Variants in TXLNB observed in about 807,000 individuals in gnomAD.
TXLNB encodes the protein beta-taxilin.
TXLNB carries 37 observed loss-of-function variants against 57.4 expected under a neutral mutation model. That is an observed-to-expected ratio of 0.64 (90% CI 0.50 to 0.85). TXLNB has a LOEUF of 0.85. TXLNB is among the 40% of genes least tolerant of loss of function. TXLNB has a pLI of 0.00. For synonymous variants in TXLNB, 302 were observed against 309.6 expected (o/e 0.98, Z 0.26); for missense variants, 848 against 825.6 (o/e 1.03, Z -0.33).
intron 8 of TXLNB, among the ~76,000 whole-genome samples, chr6:139,245,859 A>AT (rs201138901): frequency 1.3e-5 from 2 of 151,804 alleles, no homozygotes; most frequent in Non-Finnish European, 2.9e-5. Context: ...TTCCTGGCTA[A>AT]TTTTTTTGTA....
the TXLNB span, among the ~76,000 whole-genome samples, chr6:139,314,516 G>A: frequency 6.6e-6 from 1 of 152,268 alleles, no homozygotes; most frequent in Non-Finnish European, 1.5e-5. Flanking sequence ...TGCACTGATG[G>A]CTATCTTCTA....
At chr6:139,224,522 G>A in the TXLNB span, among the ~76,000 whole-genome samples, 121 of 151,746 alleles carry the variant, frequency 8.0e-4, no homozygotes, top group South Asian at 1.5e-3. Context: ...AATTGATAGC[G>A]TTCTGATAAG....
the TXLNB span, among the ~76,000 whole-genome samples, chr6:139,196,613 G>A: frequency 6.6e-6 from 1 of 151,444 alleles, no homozygotes; most frequent in Non-Finnish European, 1.5e-5. Context: ...TGACTTCGGC[G>A]ATCCACCTGC....
At chr6:139,212,146 C>T in the TXLNB span, among the ~76,000 whole-genome samples, 6 of 151,984 alleles carry the variant, frequency 3.9e-5, no homozygotes, top group African/African-American at 9.7e-5. Flanking sequence ...AGATACTCCT[C>T]GAGAAGAGCA....
At chr6:139,311,705 A>C in the TXLNB span, among the ~76,000 whole-genome samples, 2 of 152,202 alleles carry the variant, frequency 1.3e-5, no homozygotes, top group East Asian at 3.8e-4. Context: ...AGGAAAAACA[A>C]TCAAGAGAAC....
the TXLNB span, among the ~76,000 whole-genome samples, chr6:139,171,006 A>T: frequency 3.9e-4 from 60 of 152,332 alleles, 1 homozygote; most frequent in African/African-American, 1.1e-3. Flanking sequence ...TAAATGGTGC[A>T]AGAGTAGAGA....
chr6:139,318,914 T>TCAGGATATTAGA, the TXLNB span, among the ~76,000 whole-genome samples: 1 of 151,886 alleles, frequency 6.6e-6, no homozygotes, highest in Non-Finnish European at 1.5e-5. Context: ...AAAGCTTTGT[T>TCAGGATATTAGA]CAGGATATTA....
At chr6:139,215,728 T>C in the TXLNB span, among the ~76,000 whole-genome samples, 6 of 152,180 alleles carry the variant, frequency 3.9e-5, no homozygotes, top group Non-Finnish European at 7.4e-5. Context: ...ACCTACTCAT[T>C]GGACAAAGGG....
the TXLNB span, among the ~76,000 whole-genome samples, chr6:139,187,988 T>C: frequency 1.3e-5 from 2 of 152,206 alleles, no homozygotes; most frequent in East Asian, 3.9e-4. Context: ...AGCATTCTTA[T>C]GTTAGGGCAA....
intron 7 of TXLNB, among the ~76,000 whole-genome samples, chr6:139,249,143 G>A (rs909026128): frequency 5.9e-5 from 9 of 152,202 alleles, no homozygotes; most frequent in African/African-American, 1.4e-4. Flanking sequence ...CATTTGTATC[G>A]CCAAGTCCTT....
the TXLNB span, among the ~76,000 whole-genome samples, chr6:139,313,746 T>A: frequency 6.6e-6 from 1 of 152,318 alleles, no homozygotes; most frequent in South Asian, 2.1e-4. Context: ...TATAAGATTT[T>A]ATTTTTTTCA....
At chr6:139,318,187 G>A in the TXLNB span, among the ~76,000 whole-genome samples, 1,326 of 149,378 alleles carry the variant, frequency 8.9e-3, 13 homozygotes, top group African/African-American at 0.022. Context: ...GGAGAATGGC[G>A]TGAACCTGGG....
chr6:139,300,152 T>G, the TXLNB span, among the ~76,000 whole-genome samples: 1 of 152,110 alleles, frequency 6.6e-6, no homozygotes, highest in Non-Finnish European at 1.5e-5. Context: ...AGGTTGAACT[T>G]GTGTTGAAAG....
At chr6:139,302,301 A>G in the TXLNB span, among the ~76,000 whole-genome samples, 27 of 147,972 alleles carry the variant, frequency 1.8e-4, no homozygotes, top group African/African-American at 6.9e-4. Flanking sequence ...GGGTCTGGGT[A>G]AAGGTCTGAG....
the TXLNB span, among the ~76,000 whole-genome samples, chr6:139,218,694 G>A: frequency 1.3e-5 from 2 of 152,134 alleles, no homozygotes; most frequent in Non-Finnish European, 2.9e-5. Context: ...GGAGGTTGCA[G>A]TAAGCTGAGA....
Position 139,242,716 on chromosome 6 carries a change from G to A in TXLNB, c.1865C>T (p.Ser622Phe), listed in dbSNP as rs752796229. 1.1e-5 allele frequency: 18 copies of A among 1,612,658 alleles called. No individual in the cohort carries two copies. The highest frequency in any genetic ancestry group is 1.4e-5 in the Non-Finnish European group (17 of 1,179,562). The change falls in exon 10 of 10, where the codon TCC becomes TTC. Residue 622 changes from serine (S) to phenylalanine (F), a missense_variant. Transcript: ENST00000358430. Reference sequence around the variant, plus strand: ...CACATCTGCCTCCATCTTCTGTAGGGAGGCCTCGGTGGGAGCCTGTGGGGC... The same window carrying A: ...CACATCTGCCTCCATCTTCTGTAGGAAGGCCTCGGTGGGAGCCTGTGGGGC... ...GQAPQAPTEA[S>F]LQKMEADVPA...
At chr6:139,296,072 C>G (rs1375775796), upstream of TXLNB, among the ~76,000 whole-genome samples, 1 of 152,134 alleles carries the variant, frequency 6.6e-6, no homozygotes, top group Non-Finnish European at 1.5e-5. Flanking sequence ...GGCTTCTAGG[C>G]CTGCTACACA....
the TXLNB span, among the ~76,000 whole-genome samples, chr6:139,314,398 C>T: frequency 4.0e-3 from 615 of 152,346 alleles, 3 homozygotes; most frequent in African/African-American, 0.014. Context: ...CAAAGCTTAA[C>T]CCTTTCAACC....
At chr6:139,295,147 G>A (rs1344707859), upstream of TXLNB, among the ~76,000 whole-genome samples, 1 of 152,084 alleles carries the variant, frequency 6.6e-6, no homozygotes, top group Non-Finnish European at 1.5e-5. Context: ...TGATAGTGGA[G>A]GTATCAAAAT....
Sources: allele counts gnomAD v4.1 joint callset (sites outside exome capture counted in the v4.1 genomes callset), GRCh38; gene constraint gnomAD v4.1.1; transcripts MANE v1.5; gene names NCBI Gene and HGNC (gene_info 2026-07-23, HGNC 2026-07-21).